The following FOXD4L1 variants were observed in gnomAD, a reference collection of about 807,000 sequenced individuals.
The protein encoded by FOXD4L1 is forkhead box protein D4-like 1.
In FOXD4L1, 10 loss-of-function variants were observed where a neutral mutation model predicts 24.8. The observed-to-expected ratio is 0.40, with a 90% CI of 0.25 to 0.68. FOXD4L1 has a LOEUF of 0.68. FOXD4L1 is among the 30% of genes least tolerant of loss of function. The pLI is 0.37. For synonymous variants in FOXD4L1, 159 were observed against 256.4 expected, an observed-to-expected ratio of 0.62 and a Z score of 3.63; for missense variants, 364 against 572.4, an observed-to-expected ratio of 0.64 and a Z score of 3.72.
Position 113,500,749 on chromosome 2 carries a change from T to C in FOXD4L1, c.*266T>C. ...GGATTACGTTCCTCTAAAAACCACC[T>C]GAACGTAACCTTCGCAGGGCGTCAA... is the stretch of plus-strand genomic sequence containing the variant. On this transcript the variant is annotated 3_prime_UTR_variant, in exon 1 of 1. Coordinates refer to ENST00000306507, the Ensembl canonical transcript of FOXD4L1. 4.6e-6 allele frequency: 4 copies of C among 871,674 alleles called. 1 individual carries two copies. In the South Asian group the frequency reaches 6.2e-5, roughly 14 times the overall value. 54.0% of individuals were successfully genotyped at this position (871,674 alleles called of 1,614,324 possible).
exon 1 of FOXD4L1, chr2:113,499,589 G>T (rs149561319): frequency 6.8e-6 from 11 of 1,610,940 alleles, no homozygotes; most frequent in South Asian, 1.1e-5. Context: ...CCCCCTACTC[G>T]TACATCGCGC....
exon 1 of FOXD4L1, chr2:113,499,086 CTT>C (rs1287703304): frequency 1.6e-6 from 2 of 1,227,220 alleles, no homozygotes; most frequent in African/African-American, 3.0e-5. Flanking sequence ...GCAAAGGCAT[CTT>C]TGCCGGACGT....
At position 113,499,772 on chromosome 2, in the gene FOXD4L1, G is replaced by C. The variant is rs749321138; in HGVS notation, c.516G>C (p.Pro172=). ...GCTTCGTCAAGATCCCCCGCGAGCC[G>C]GGCCACCCAGGCAAGGGCACCTACT... Residue 172 remains proline, a synonymous_variant, in exon 1 of 1, where the codon CCG becomes CCC. Transcript: ENST00000306507. The C allele has an allele frequency of 7.1e-6, 11 of 1,541,674 alleles. 2 individuals are homozygous for C. Among genetic ancestry groups the C allele is most frequent in the African/African-American group, 1.4e-5 (1 of 72,220 alleles).
exon 1 of FOXD4L1, chr2:113,499,731 C>T (rs1682403650): frequency 6.2e-7 from 1 of 1,606,282 alleles, no homozygotes; most frequent in African/African-American, 1.4e-5. Flanking sequence ...CCGCCACAAC[C>T]TCTCGCTGAA....
exon 1 of FOXD4L1, chr2:113,499,138 A>G (rs1682388019): frequency 1.9e-6 from 3 of 1,544,932 alleles, no homozygotes; most frequent in African/African-American, 1.4e-5. Context: ...AAAACATCCC[A>G]AAGGGTAACC....
chr2:113,499,064 C>T, exon 1 of FOXD4L1: 2 of 939,720 alleles, frequency 2.1e-6, no homozygotes, highest in Non-Finnish European at 3.2e-6. Context: ...CTTGAAGAAG[C>T]TTTTATAAAA....
rs763537716 is a variant in FOXD4L1, at chr2:113,500,435, C to T, written c.1179C>T (p.Val393=). ...GGCGCGGTGCTGGGCGGGCACCTGT[C>T]GGCCGCGTCGGCGCTGCTGCGGTAT... is the stretch of plus-strand genomic sequence containing the variant. The change falls in exon 1 of 1, where the codon GTC becomes GTT. Residue 393 remains valine (V), a synonymous_variant. Transcript: ENST00000306507. 9.9e-6 allele frequency: 15 copies of T among 1,518,592 alleles called. 2 individuals are homozygous for T. In the South Asian group the frequency reaches 1.3e-4, roughly 13 times the overall value. The allele number at this position is 1,518,592 out of a possible 1,614,324, so 94.1% of individuals were successfully genotyped here.
exon 1 of FOXD4L1, chr2:113,500,753 C>G (rs535624823): frequency 1.2e-6 from 1 of 841,142 alleles, no homozygotes; most frequent in Non-Finnish European, 1.7e-6. Context: ...ACCACCTGAA[C>G]GTAACCTTCG....
chr2:113,501,054 T>A (rs1375446206), exon 1 of FOXD4L1: 2 of 155,804 alleles, frequency 1.3e-5, no homozygotes. Flanking sequence ...GAACATTGAT[T>A]TCTTATCTGT....
chr2:113,499,853 T>C (rs373249185), exon 1 of FOXD4L1: 11 of 1,570,662 alleles, frequency 7.0e-6, no homozygotes, highest in Middle Eastern at 2.2e-4. Context: ...TTCTCCGGCG[T>C]AGGAAGCGTT....
Position 113,499,097 on chromosome 2 carries a change from G to C in FOXD4L1, c.-160G>C, listed in dbSNP as rs1682385150. On this transcript the variant is annotated 5_prime_UTR_variant, in exon 1 of 1. Transcript: ENST00000306507. ...AAAGGCAAAGGCATCTTTGCCGGAC[G>C]TTGTTGCAAAGGAGTAGAAACAAGC... is the stretch of plus-strand genomic sequence containing the variant. The C allele has an allele frequency of 4.6e-6, 6 of 1,317,258 alleles. No homozygotes were observed. The Admixed American group carries it at 7.4e-5, about 16-fold the overall frequency. The allele number at this position is 1,317,258 out of a possible 1,614,324, so 81.6% of individuals were successfully genotyped here.
chr2:113,500,489 C>T lies in FOXD4L1; in HGVS notation c.*6C>T, dbSNP rs778101786. On this transcript the variant is annotated 3_prime_UTR_variant, in exon 1 of 1. Coordinates refer to ENST00000306507, the Ensembl canonical transcript of FOXD4L1. ...GCGGTGGCAGAGGGCTCTAGGCTGA[C>T]ATCGCTGGCTGCCCCTTTGGGCGGA... The T allele has an allele frequency of 1.8e-5, 28 of 1,517,322 alleles. 6 individuals carry two copies. The highest frequency in any genetic ancestry group is 2.4e-5 in the Non-Finnish European group (27 of 1,125,098). The allele number at this position is 1,517,322 out of a possible 1,614,324, so 94.0% of individuals were successfully genotyped here.
At chr2:113,500,687 C>T in exon 1 of FOXD4L1, 1 of 1,288,562 alleles carries the variant, frequency 7.8e-7, no homozygotes, top group Non-Finnish European at 1.0e-6. Context: ...CAAACACGAA[C>T]TTCTGTTCCC....
exon 1 of FOXD4L1, chr2:113,499,147 C>T: frequency 1.3e-6 from 2 of 1,570,350 alleles, no homozygotes; most frequent in Admixed American, 3.5e-5. Context: ...CAAAGGGTAA[C>T]CACTAGCGTT....
chr2:113,499,040 C>A, exon 1 of FOXD4L1: 4 of 724,572 alleles, frequency 5.5e-6, no homozygotes, highest in Middle Eastern at 4.0e-4. Flanking sequence ...AGGGGGGAGT[C>A]CACCACACAT....
Position 113,498,766 on chromosome 2 carries a change from A to G in FOXD4L1, c.-491A>G, listed in dbSNP as rs2748029. ...CCAGGAGGGAAGGCTGCATGTCGAG[A>G]TGGTCGTAGAATGTTGAGTATCCTA... is the stretch of plus-strand genomic sequence containing the variant. On this transcript the variant is annotated 5_prime_UTR_variant, in exon 1 of 1. The change abolishes an upstream ATG in the 5' untranslated region. Coordinates refer to ENST00000306507, the Ensembl canonical transcript of FOXD4L1. 0.36 allele frequency: 76,711 copies of G among 215,974 alleles called. 15,353 individuals carry two copies. The highest frequency in any genetic ancestry group is 0.52 in the East Asian group (3,505 of 6,744). The allele number at this position is 215,974 out of a possible 1,614,324, so 13.4% of individuals were successfully genotyped here. A position where few individuals can be genotyped will look rare whatever the true frequency, so the allele number is the denominator to read the frequency against.
exon 1 of FOXD4L1, chr2:113,499,298 G>T: frequency 6.2e-7 from 1 of 1,605,744 alleles, no homozygotes; most frequent in Non-Finnish European, 8.5e-7. Flanking sequence ...CCACACCGCA[G>T]CGCAGCCTCC....
exon 1 of FOXD4L1, chr2:113,499,191 G>C (rs950169989): frequency 2.5e-6 from 4 of 1,611,722 alleles, no homozygotes; most frequent in Non-Finnish European, 3.4e-6. Flanking sequence ...CAGGCTTCCA[G>C]CTCAGCCCGC....
Position 113,500,130 on chromosome 2 carries a change from C to T in FOXD4L1, c.874C>T (p.Pro292Ser), listed in dbSNP as rs1024696949. 40 of 1,515,370 alleles carry T rather than the reference C, an allele frequency of 2.6e-5. 7 individuals are homozygous for T. The African/African-American group carries it at 5.0e-4, about 19-fold the overall frequency. The allele number at this position is 1,515,370 out of a possible 1,614,324, so 93.9% of individuals were successfully genotyped here. A position where few individuals can be genotyped will look rare whatever the true frequency, so the allele number is the denominator to read the frequency against. The change falls in exon 1 of 1, where the codon CCC becomes TCC. Residue 292 changes from proline to serine, a missense_variant. By Grantham distance (74) the Pro-to-Ser change is moderately conservative. Coordinates refer to ENST00000306507, the Ensembl canonical transcript of FOXD4L1. ...AGCAGAAGGCGCGGACCTGGCGACC[C>T]CCGGCACCCTTCCCGTGCTGCAGCC...
Sources: allele counts gnomAD v4.1 joint callset, GRCh38; gene constraint gnomAD v4.1.1; transcripts MANE v1.5; gene names NCBI Gene and HGNC (gene_info 2026-07-23, HGNC 2026-07-21).